TRPM3: variants seen among roughly 807,000 people sequenced by gnomAD.
The protein encoded by TRPM3 is long transient receptor potential channel 3.
A neutral mutation model predicts 181.2 loss-of-function variants in TRPM3; 77 were observed. The ratio of observed to expected loss-of-function variants is 0.42; its 90% CI spans 0.35 to 0.51. The LOEUF is 0.51. Ranked by LOEUF, TRPM3 falls within the 20% of genes least tolerant of loss-of-function variation. The pLI, the probability that TRPM3 is intolerant of heterozygous loss-of-function variation, is 0.01. For missense variants in TRPM3, 1,759 were observed against 2,196.7 expected (o/e 0.80, Z 3.98); for synonymous variants, 745 against 796.4 (o/e 0.94, Z 1.09).
chr9:70,874,857 A>T (rs1283411058), intron 1 of TRPM3, among the ~76,000 whole-genome samples: 2 of 151,934 alleles, frequency 1.3e-5, no homozygotes, highest in African/African-American at 4.8e-5. Context: ...CTACTAAAAA[A>T]AAATCAATCT....
chr9:71,260,088 T>C (rs1046510958), intron 1 of TRPM3, among the ~76,000 whole-genome samples: 1 of 152,198 alleles, frequency 6.6e-6, no homozygotes, highest in Non-Finnish European at 1.5e-5. Flanking sequence ...CAGTTTCAGT[T>C]TTCTGAATAT....
At chr9:70,972,814 G>C (rs1407637580) in intron 1 of TRPM3, among the ~76,000 whole-genome samples, 1 of 152,096 alleles carries the variant, frequency 6.6e-6, no homozygotes, top group African/African-American at 2.4e-5. Context: ...ATTCAGGTTA[G>C]TGCCCACTTT....
chr9:70,686,686 TTTCC>T (rs778689995), intron 8 of TRPM3, among the ~76,000 whole-genome samples: 6,151 of 58,008 alleles, frequency 0.11, 480 homozygotes, highest in Middle Eastern at 0.16. Context: ...TCCTTCCTTC[TTTCC>T]TTCCTTCCTT....
intron 1 of TRPM3, among the ~76,000 whole-genome samples, chr9:71,296,620 G>T (rs574977553): frequency 2.0e-4 from 31 of 152,222 alleles, no homozygotes; most frequent in African/African-American, 6.3e-4. Context: ...ACAGTTAGAT[G>T]CTTGAATTTT....
intron 1 of TRPM3, among the ~76,000 whole-genome samples, chr9:71,335,202 T>C (rs1416904363): frequency 6.6e-6 from 1 of 152,168 alleles, no homozygotes; most frequent in Non-Finnish European, 1.5e-5. Flanking sequence ...GACCTGGAGT[T>C]AGCTCTCCTC....
chr9:71,108,465 ACT>A (rs977431012), intron 1 of TRPM3, among the ~76,000 whole-genome samples: 10 of 152,070 alleles, frequency 6.6e-5, no homozygotes, highest in African/African-American at 2.2e-4. Context: ...AAATCTTGTG[ACT>A]CTATTTCTCT....
chr9:70,957,844 C>T (rs1316560940), intron 1 of TRPM3, among the ~76,000 whole-genome samples: 3 of 152,120 alleles, frequency 2.0e-5, no homozygotes, highest in East Asian at 3.9e-4. Flanking sequence ...AGATTTTTAG[C>T]ACTCCTTACA....
chr9:71,087,386 C>T (rs540971708), intron 1 of TRPM3, among the ~76,000 whole-genome samples: 3 of 152,170 alleles, frequency 2.0e-5, no homozygotes, highest in Non-Finnish European at 2.9e-5. Flanking sequence ...CCCACCAATA[C>T]AAATTCATTT....
intron 1 of TRPM3, among the ~76,000 whole-genome samples, chr9:70,969,050 G>T (rs2097212478): frequency 6.6e-6 from 1 of 152,178 alleles, no homozygotes; most frequent in East Asian, 1.9e-4. Context: ...CACAGCAAAA[G>T]AAACTATCAT....
chr9:71,113,167 G>A (rs1308380448), intron 1 of TRPM3, among the ~76,000 whole-genome samples: 2 of 152,084 alleles, frequency 1.3e-5, no homozygotes, highest in East Asian at 1.9e-4. Context: ...TGGGAAGGAT[G>A]GATTTGAAGT....
intron 1 of TRPM3, among the ~76,000 whole-genome samples, chr9:71,364,369 G>A (rs927332536): frequency 2.6e-5 from 4 of 152,218 alleles, no homozygotes; most frequent in Non-Finnish European, 5.9e-5. Flanking sequence ...GTTTGGCCAT[G>A]CCTAATTAAA....
chr9:71,413,403 T>C (rs1228797939), intron 1 of TRPM3, among the ~76,000 whole-genome samples: 1 of 152,102 alleles, frequency 6.6e-6, no homozygotes, highest in East Asian at 1.9e-4. Flanking sequence ...AAACAGACTT[T>C]GTTAGTTGAA....
At position 70,974,863 on chromosome 9, in the gene TRPM3, AT is replaced by A. The variant is rs1177545043; in HGVS notation, c.178-110353del. On this transcript the variant is annotated intron_variant, in intron 1 of 25. Transcript: ENST00000677713. ...GTTCCACAGGAGTGATGGAACATCAATTTTTTTTTTTTTTTTTTTTGAGGTA... is the reference window on the plus strand; with the variant it reads ...GTTCCACAGGAGTGATGGAACATCAATTTTTTTTTTTTTTTTTTTGAGGTA... 8.4e-3 allele frequency among the ~76,000 whole-genome samples: 986 copies of A among 117,970 alleles called. 10 individuals are homozygous for A. Among genetic ancestry groups the A allele is most frequent in the Admixed American group, 0.016 (169 of 10,256 alleles). The allele number at this position is 117,970 out of a possible 152,430, so 77.4% of individuals were successfully genotyped here.
rs1480450566 is a variant in TRPM3 at position 71,121,480 on chromosome 9, C to A, written c.-126G>T. 1.4e-6 allele frequency: 2 copies of A among 1,442,260 alleles called. No individual in the cohort carries two copies. Among genetic ancestry groups the A allele is most frequent in the Non-Finnish European group, 1.8e-6 (2 of 1,102,614 alleles). The allele number at this position is 1,442,260 out of a possible 1,614,324, so 89.3% of individuals were successfully genotyped here. ...AAAACAGCCACCTCCCCTCTCTCTG[C>A]AGCCGTGCTCATGCATACCAAATGT... On this transcript the variant is annotated 5_prime_UTR_variant, in exon 1 of 26. Coordinates refer to ENST00000677713, the MANE Select transcript of TRPM3 (RefSeq NM_001366145.2).
At chr9:70,632,639 C>T (rs991306579) in intron 12 of TRPM3, among the ~76,000 whole-genome samples, 1 of 152,028 alleles carries the variant, frequency 6.6e-6, no homozygotes, top group South Asian at 2.1e-4. Flanking sequence ...ATCATTTTTT[C>T]CAGTTACTAA....
intron 1 of TRPM3, among the ~76,000 whole-genome samples, chr9:71,064,669 G>T (rs1258066901): frequency 6.6e-6 from 1 of 152,040 alleles, no homozygotes; most frequent in Non-Finnish European, 1.5e-5. Context: ...GCATGTAAAG[G>T]TAAGTTTTTA....
At chr9:70,832,599 C>T (rs62547573) in intron 5 of TRPM3, among the ~76,000 whole-genome samples, 8,585 of 152,202 alleles carry the variant, frequency 0.056, 327 homozygotes, top group African/African-American at 0.1. Context: ...TTATAGAAGG[C>T]ATTAGTATGG....
intron 8 of TRPM3, among the ~76,000 whole-genome samples, chr9:70,747,585 C>T (rs1470504319): frequency 6.6e-6 from 1 of 152,066 alleles, no homozygotes; most frequent in East Asian, 1.9e-4. Context: ...CAAACCACTG[C>T]CTGTGGGTCA....
intron 1 of TRPM3, among the ~76,000 whole-genome samples, chr9:71,420,731 G>GAA (rs2093726030): frequency 3.9e-5 from 1 of 25,802 alleles, no homozygotes; most frequent in Non-Finnish European, 9.1e-5. Context: ...AAGAGAGAGA[G>GAA]AGAGAAAGAG....
Sources: allele counts gnomAD v4.1 joint callset (sites outside exome capture counted in the v4.1 genomes callset), GRCh38; gene constraint gnomAD v4.1.1; transcripts MANE v1.5; gene names NCBI Gene and HGNC (gene_info 2026-07-23, HGNC 2026-07-21).